DCP2: variants seen among roughly 807,000 people sequenced by gnomAD.
The protein encoded by DCP2 is decapping mRNA 2.
DCP2 carries 30 observed loss-of-function variants against 56.1 expected under a neutral mutation model. That is an observed-to-expected ratio of 0.53 (90% confidence interval 0.40 to 0.73). The LOEUF is 0.73. Ranked by LOEUF, DCP2 falls within the 30% of genes least tolerant of loss-of-function variation. The probability of loss-of-function intolerance (pLI) is 0.00; values close to 1 mark genes in which losing one functional copy is unlikely to be tolerated. For synonymous variants in DCP2, 197 were observed against 163.3 expected (o/e 1.21, Z -1.57); for missense variants, 533 against 502.7 (o/e 1.06, Z -0.58).
chr5:112,994,514 G>A lies in DCP2; in HGVS notation c.432+1744G>A, dbSNP rs554816665. Among the ~76,000 whole-genome samples, 170 of 152,184 alleles carry A rather than the reference G, an allele frequency of 1.1e-3. 1 individual carries two copies. Among genetic ancestry groups the A allele is most frequent in the Non-Finnish European group, 2.1e-3 (142 of 67,994 alleles). ...TTCTATTTTAAAATCTTACCAGTCAGCTCTAGCAAACAGTAGTGTTAGTCT... is the reference window on the plus strand; with the variant it reads ...TTCTATTTTAAAATCTTACCAGTCAACTCTAGCAAACAGTAGTGTTAGTCT... On this transcript the variant is annotated intron_variant, in intron 4 of 10. Transcript: ENST00000389063.
At chr5:113,001,020 A>C (rs1387717974) in intron 4 of DCP2, 64 bp from the exon 5 acceptor site, 18 of 1,459,928 alleles carry the variant, frequency 1.2e-5, no homozygotes, top group Non-Finnish European at 1.7e-5. Flanking sequence ...CTTGGGAATA[A>C]ATTTTAATGA....
intron 5 of DCP2, 54 bp downstream of exon 5, chr5:113,001,290 A>G: frequency 6.3e-7 from 1 of 1,595,932 alleles, no homozygotes; most frequent in East Asian, 2.2e-5. Flanking sequence ...ATGAATAAGT[A>G]GGGAAATCCT....
intron 2 of DCP2, among the ~76,000 whole-genome samples, chr5:112,989,275 C>G (rs1267667112): frequency 6.6e-6 from 1 of 152,164 alleles, no homozygotes; most frequent in East Asian, 1.9e-4. Context: ...TTTAAATCAT[C>G]TTAGATGAGG....
chr5:112,984,124 G>T (rs887993232), intron 1 of DCP2: 3 of 152,172 alleles, frequency 2.0e-5, no homozygotes, highest in Non-Finnish European at 4.4e-5. Context: ...TGTGTACCAG[G>T]TGTAGAGGAC....
intron 1 of DCP2, among the ~76,000 whole-genome samples, chr5:112,978,422 C>T (rs1420545360): frequency 6.6e-6 from 1 of 152,210 alleles, no homozygotes; most frequent in Non-Finnish European, 1.5e-5. Context: ...CATAAGGTCA[C>T]ATTCATCCTA....
rs1286336703 is a variant in DCP2 at position 113,001,791 on chromosome 5, G to T, written c.806+117G>T. The T allele has an allele frequency of 4.5e-6, 4 of 897,566 alleles. No homozygotes were observed. The South Asian group carries it at 6.3e-5, about 14-fold the overall frequency. The allele number at this position is 897,566 out of a possible 1,614,324, so 55.6% of individuals were successfully genotyped here. On this transcript the variant is annotated intron_variant, in intron 7 of 10. Coordinates refer to ENST00000389063, the MANE Select transcript of DCP2 (RefSeq NM_152624.6). ...AGATTTCTTTTTATAGATACTCTTT[G>T]TTACTGGTCTCACAGATAATAGAAG...
At chr5:112,983,557 C>G (rs928457210) in intron 1 of DCP2, among the ~76,000 whole-genome samples, 2 of 152,092 alleles carry the variant, frequency 1.3e-5, no homozygotes, top group East Asian at 1.9e-4. Context: ...GATTGACTTA[C>G]GAGACCTTTC....
At chr5:112,997,816 T>C (rs986258763) in intron 4 of DCP2, among the ~76,000 whole-genome samples, 4 of 152,176 alleles carry the variant, frequency 2.6e-5, no homozygotes, top group African/African-American at 9.7e-5. Flanking sequence ...GGTTTCACTA[T>C]GTTGGCCAGG....
At chr5:113,005,151 G>GGGGTGTGTGTGTGT (rs140772660) in intron 8 of DCP2, among the ~76,000 whole-genome samples, 42 of 149,522 alleles carry the variant, frequency 2.8e-4, no homozygotes, top group African/African-American at 9.1e-4. Context: ...TGTGCGTGTG[G>GGGGTGTGTGTGTGT]GTGTGTGTGT....
rs1032515723 is a variant in DCP2 at position 113,007,872 on chromosome 5, G to A, written c.943-66G>A. 4.4e-6 allele frequency: 6 copies of A among 1,375,918 alleles called. No homozygotes were observed. The African/African-American group carries it at 5.9e-5, about 13-fold the overall frequency. 85.2% of individuals were successfully genotyped at this position (1,375,918 alleles called of 1,614,324 possible). ...GTTCAACCAGCTAAACATATTCATG[G>A]GGTATTTTTTTTGTGCTATTACATT... On this transcript the variant is annotated intron_variant, in intron 8 of 10. Transcript: ENST00000389063.
Position 113,017,612 on chromosome 5 carries a change from G to A in DCP2, c.*4128G>A, listed in dbSNP as rs367680190. On this transcript the variant is annotated 3_prime_UTR_variant, in exon 11 of 11. Transcript: ENST00000389063. Reference sequence around the variant, plus strand: ...ACAGGCTTTGCCCCATGCTTTCAAAGTAGGATTCTGGATTGCAGTTTCAAA... The same window carrying A: ...ACAGGCTTTGCCCCATGCTTTCAAAATAGGATTCTGGATTGCAGTTTCAAA... The A allele has an allele frequency of 9.7e-4, 148 of 152,304 alleles. No individual in the cohort carries two copies. The highest frequency in any genetic ancestry group is 3.5e-3 in the African/African-American group (146 of 41,580). The allele number at this position is 152,304 out of a possible 1,614,324, so 9.4% of individuals were successfully genotyped here. A position where few individuals can be genotyped will look rare whatever the true frequency, so the allele number is the denominator to read the frequency against.
In DCP2 at chr5:113,019,000, A is replaced by G. The variant is rs1048741537; in HGVS notation, c.*5516A>G. 9 of 152,226 alleles carry G rather than the reference A, an allele frequency of 5.9e-5. No homozygotes were observed. The highest frequency in any genetic ancestry group is 1.2e-4 in the Non-Finnish European group (8 of 68,060). 9.4% of individuals were successfully genotyped at this position (152,226 alleles called of 1,614,324 possible). ...GAACAACAGACTTGTGTGTGGTTCTAGAGTGAAATGGGCAGTGTTCTGCTG... is the reference window on the plus strand; with the variant it reads ...GAACAACAGACTTGTGTGTGGTTCTGGAGTGAAATGGGCAGTGTTCTGCTG... On this transcript the variant is annotated 3_prime_UTR_variant, in exon 11 of 11. Transcript: ENST00000389063.
chr5:112,984,626 A>G (rs1461209236), intron 1 of DCP2: 2 of 149,690 alleles, frequency 1.3e-5, no homozygotes, highest in African/African-American at 5.0e-5. Context: ...CAATCTCTAA[A>G]AACCTGATTA....
chr5:112,996,195 G>A (rs934744466), intron 4 of DCP2, among the ~76,000 whole-genome samples: 1 of 152,170 alleles, frequency 6.6e-6, no homozygotes, highest in African/African-American at 2.4e-5. Flanking sequence ...ATTGCAGTTT[G>A]TCCTTCTGCC....
At position 113,017,666 on chromosome 5, in the gene DCP2, C is replaced by CA. The variant is rs1749944496; in HGVS notation, c.*4185dup. 1 of 152,098 alleles carries CA rather than the reference C, an allele frequency of 6.6e-6. No homozygotes were observed. The highest frequency in any genetic ancestry group is 6.5e-5 in the Admixed American group (1 of 15,278). 9.4% of individuals were successfully genotyped at this position (152,098 alleles called of 1,614,324 possible). A position where few individuals can be genotyped will look rare whatever the true frequency, so the allele number is the denominator to read the frequency against. On this transcript the variant is annotated 3_prime_UTR_variant, in exon 11 of 11. Transcript: ENST00000389063. ...ATATGATAGATTATTGTTATAGAAT[C>CA]AAAGTGTCCTGAAGGGAGAAGAATA...
intron 10 of DCP2, 90 bp downstream of exon 10, chr5:113,010,897 G>A: frequency 1.5e-6 from 2 of 1,342,464 alleles, no homozygotes; most frequent in Non-Finnish European, 2.0e-6. Flanking sequence ...TATGTGATCT[G>A]TGATAGTTAA....
chr5:112,990,883 ATTTT>A (rs10714092), intron 2 of DCP2, among the ~76,000 whole-genome samples: 1 of 150,886 alleles, frequency 6.6e-6, no homozygotes, highest in East Asian at 1.9e-4. Context: ...ATTTAATGTG[ATTTT>A]TTTTTTTAAA....
intron 9 of DCP2, among the ~76,000 whole-genome samples, chr5:113,010,053 G>GA (rs1554101698): frequency 7.5e-6 from 1 of 133,922 alleles, no homozygotes; most frequent in Non-Finnish European, 1.6e-5. Flanking sequence ...TTTTTTTTGA[G>GA]ACAGGGTTTT....
At chr5:112,993,778 C>T (rs998583395) in intron 4 of DCP2, among the ~76,000 whole-genome samples, 1 of 152,038 alleles carries the variant, frequency 6.6e-6, no homozygotes, top group Admixed American at 6.6e-5. Context: ...ACTGCCACTG[C>T]CACCGCCACC....
Sources: gnomAD v4.1 joint callset for allele counts (sites outside exome capture counted in the v4.1 genomes callset) on GRCh38, gnomAD v4.1.1 for gene constraint, MANE v1.5 for transcripts, NCBI Gene and HGNC (gene_info 2026-07-23, HGNC 2026-07-21) for gene names.